The following TOX2 variants were observed in gnomAD, a reference collection of about 807,000 sequenced individuals.
The protein encoded by TOX2 is TOX high mobility group box family member 2, also known as granulosa cell HMG box 1.
TOX2 carries 15 observed loss-of-function variants against 47.4 expected under a neutral mutation model. The ratio of observed to expected loss-of-function variants is 0.32; its 90% CI spans 0.21 to 0.49. TOX2 has a LOEUF of 0.49. Among genes scored for constraint, TOX2 ranks in the 20% least tolerant of loss-of-function variants. The pLI, the probability that TOX2 is intolerant of heterozygous loss-of-function variation, is 0.99. For missense variants in TOX2, 622 were observed against 673.1 expected (o/e 0.92, Z 0.84); for synonymous variants, 290 against 296.6 (o/e 0.98, Z 0.23).
At chr20:43,951,705 A>ATTTTTTTTTTTTTTTTTT (rs1212223106) in intron 1 of TOX2, among the ~76,000 whole-genome samples, 3 of 30,386 alleles carry the variant, frequency 9.9e-5, no homozygotes, top group African/African-American at 3.8e-4. Context: ...TAAACTTATT[A>ATTTTTTTTTTTTTTTTTT]TGTTTTTTTT....
intron 3 of TOX2, among the ~76,000 whole-genome samples, chr20:44,039,747 A>T (rs1272312136): frequency 1.3e-5 from 2 of 151,948 alleles, no homozygotes; most frequent in Non-Finnish European, 1.5e-5. Flanking sequence ...CCAGGACGCA[A>T]GTCAGAATCG....
chr20:44,040,948 C>G (rs145456217), intron 3 of TOX2, among the ~76,000 whole-genome samples: 262 of 152,220 alleles, frequency 1.7e-3, no homozygotes, highest in African/African-American at 5.9e-3. Context: ...AGCCGACAGA[C>G]AGGGGAGACA....
chr20:43,990,415 C>T (rs1234375640), intron 2 of TOX2, among the ~76,000 whole-genome samples: 1 of 152,138 alleles, frequency 6.6e-6, no homozygotes, highest in African/African-American at 2.4e-5. Flanking sequence ...GGCATAGTTA[C>T]AGGAGCACGG....
chr20:43,940,129 A>C (rs1225892389), intron 1 of TOX2, among the ~76,000 whole-genome samples: 2 of 152,128 alleles, frequency 1.3e-5, no homozygotes, highest in African/African-American at 4.8e-5. Context: ...TGCAGAGCTC[A>C]ATCAGGAACC....
At chr20:43,929,099 C>A (rs1487279156) in intron 1 of TOX2, among the ~76,000 whole-genome samples, 1 of 151,910 alleles carries the variant, frequency 6.6e-6, no homozygotes, top group Non-Finnish European at 1.5e-5. Context: ...GCAGAGGTTG[C>A]AGTGAGCTGA....
intron 5 of TOX2, 96 bp from the exon 6 acceptor site, chr20:44,064,681 G>A (rs991882176): frequency 2.9e-5 from 35 of 1,198,162 alleles, no homozygotes; most frequent in Admixed American, 9.4e-5. Flanking sequence ...TCGTCCATTC[G>A]TGATCCTTGA....
chr20:44,032,865 G>A lies in TOX2; in HGVS notation c.412-18441G>A, dbSNP rs557606955. On this transcript the variant is annotated intron_variant, in intron 3 of 8. Coordinates refer to ENST00000341197, the MANE Select transcript of TOX2 (RefSeq NM_001098797.2). Reference sequence around the variant, plus strand: ...TTGCTTTTCATTTCTCTGCTTCTCTGCCGGCGGCTTCATATTCATAACACG... The same window carrying A: ...TTGCTTTTCATTTCTCTGCTTCTCTACCGGCGGCTTCATATTCATAACACG... Among the ~76,000 whole-genome samples, 22 of 152,286 alleles carry A rather than the reference G, an allele frequency of 1.4e-4. 1 individual carries two copies. In the South Asian group the frequency reaches 2.5e-3, roughly 17 times the overall value.
intron 2 of TOX2, among the ~76,000 whole-genome samples, chr20:43,973,941 T>A (rs972420660): frequency 6.6e-6 from 1 of 151,970 alleles, no homozygotes; most frequent in Non-Finnish European, 1.5e-5. Flanking sequence ...GGAAGCAGAG[T>A]CATTCCTGGG....
rs1049694361 is a variant in TOX2 at position 44,066,967 on chromosome 20, C to A, written c.1484+110C>A. The A allele has an allele frequency of 4.9e-6, 7 of 1,437,540 alleles. No individual in the cohort carries two copies. The African/African-American group carries it at 5.6e-5, about 12-fold the overall frequency. 89.0% of individuals were successfully genotyped at this position (1,437,540 alleles called of 1,614,324 possible). A position where few individuals can be genotyped will look rare whatever the true frequency, so the allele number is the denominator to read the frequency against. ...GCAACGTGGACAGGGGAGGACCCTG[C>A]AGTCACTGTCAGCCCTGCTGAGGGG... On this transcript the variant is annotated intron_variant, in intron 8 of 8. Coordinates refer to ENST00000341197, the MANE Select transcript of TOX2 (RefSeq NM_001098797.2).
intron 1 of TOX2, among the ~76,000 whole-genome samples, chr20:43,946,628 C>G (rs1055569218): frequency 6.6e-6 from 1 of 152,174 alleles, no homozygotes; most frequent in Admixed American, 6.5e-5. Flanking sequence ...TAAAAAATAA[C>G]CAGTTGGGAT....
At chr20:44,063,286 GA>G (rs912410376) in intron 5 of TOX2, among the ~76,000 whole-genome samples, 8 of 151,810 alleles carry the variant, frequency 5.3e-5, no homozygotes, top group Admixed American at 1.3e-4. Context: ...AAATCAGCAA[GA>G]AAAAAACAAT....
chr20:44,001,792 C>T (rs1249361331), intron 2 of TOX2, among the ~76,000 whole-genome samples: 1 of 152,166 alleles, frequency 6.6e-6, no homozygotes, highest in African/African-American at 2.4e-5. Context: ...GTGTAGTATG[C>T]TGGGAAGGAG....
chr20:43,998,982 A>T (rs1173071786), intron 2 of TOX2, among the ~76,000 whole-genome samples: 2 of 151,550 alleles, frequency 1.3e-5, no homozygotes, highest in Non-Finnish European at 1.5e-5. Context: ...CTCATCTTGG[A>T]CTCCTGACCT....
chr20:43,952,805 T>G lies in TOX2; in HGVS notation c.100-20562T>G, dbSNP rs548849847. Among the ~76,000 whole-genome samples, 490 of 152,260 alleles carry G rather than the reference T, an allele frequency of 3.2e-3. 4 individuals carry two copies. The highest frequency in any genetic ancestry group is 0.011 in the African/African-American group (458 of 41,556). On this transcript the variant is annotated intron_variant, in intron 1 of 8. Coordinates refer to ENST00000341197, the MANE Select transcript of TOX2 (RefSeq NM_001098797.2). ...AGACTGAGACACAGTTAGTCGGTAC[T>G]TACGGGACTCACTGTGGGTGGCTGA... is the stretch of plus-strand genomic sequence containing the variant.
chr20:43,982,241 G>A (rs1477292501), intron 2 of TOX2, among the ~76,000 whole-genome samples: 1 of 152,164 alleles, frequency 6.6e-6, no homozygotes, highest in African/African-American at 2.4e-5. Flanking sequence ...AGAGCCAGGG[G>A]ACTGCGGGTG....
intron 3 of TOX2, among the ~76,000 whole-genome samples, chr20:44,013,317 T>C (rs936560486): frequency 6.6e-5 from 10 of 152,096 alleles, no homozygotes; most frequent in Non-Finnish European, 7.4e-5. Flanking sequence ...TCCCCTCCAA[T>C]CTCCTTTCTC....
chr20:43,933,579 T>C (rs905633914), intron 1 of TOX2, among the ~76,000 whole-genome samples: 4 of 152,132 alleles, frequency 2.6e-5, no homozygotes, highest in Non-Finnish European at 5.9e-5. Flanking sequence ...AGGGTTCTTG[T>C]GCGAGAGGTT....
chr20:44,039,908 G>A (rs189809236), intron 3 of TOX2, among the ~76,000 whole-genome samples: 281 of 152,302 alleles, frequency 1.8e-3, no homozygotes, highest in African/African-American at 6.4e-3. Flanking sequence ...GAAGCTGTCC[G>A]CATGCACAAT....
At chr20:43,930,119 C>T (rs923828068) in intron 1 of TOX2, among the ~76,000 whole-genome samples, 2 of 152,174 alleles carry the variant, frequency 1.3e-5, no homozygotes, top group African/African-American at 4.8e-5. Context: ...TTTTGTTTAC[C>T]ATTGCATCCC....
Sources: gnomAD v4.1 joint callset for allele counts (sites outside exome capture counted in the v4.1 genomes callset) on GRCh38, gnomAD v4.1.1 for gene constraint, MANE v1.5 for transcripts, NCBI Gene and HGNC (gene_info 2026-07-23, HGNC 2026-07-21) for gene names.